The following ZNF253 variants were observed in gnomAD, a reference collection of about 807,000 sequenced individuals.
ZNF253 encodes zinc finger protein 253.
Under a neutral mutation model 11.9 loss-of-function variants are expected in ZNF253, and 8 were observed. The ratio of observed to expected loss-of-function variants is 0.67; its 90% CI spans 0.40 to 1.22. ZNF253 has a LOEUF of 1.22. ZNF253 is among the 50% of genes most tolerant of loss of function. ZNF253 has a pLI of 0.01. For synonymous variants in ZNF253, 194 were observed against 194.9 expected (o/e 1.00, Z 0.04); for missense variants, 485 against 586.9 (o/e 0.83, Z 1.79).
In ZNF253 at chr19:19,885,284, T is replaced by C. The variant is rs1409211450; in HGVS notation, c.226+5138T>C. On this transcript the variant is annotated intron_variant, in intron 3 of 3. Coordinates refer to ENST00000589717, the MANE Select transcript of ZNF253 (RefSeq NM_021047.3). The stretch of plus-strand genomic sequence containing the variant: ...CTTTCTTTCTTTCTTTCTTTCTTTC[T>C]TTCTTTCTCTTTCTTTTCTTTCTTT... Among the ~76,000 whole-genome samples the C allele has an allele frequency of 1.2e-3, 50 of 41,428 alleles. 7 individuals carry two copies. The African/African-American group carries it at 0.016, about 14-fold the overall frequency. The allele number at this position is 41,428 out of a possible 152,430, so 27.2% of individuals were successfully genotyped here. A position where few individuals can be genotyped will look rare whatever the true frequency, so the allele number is the denominator to read the frequency against.
intron 3 of ZNF253, among the ~76,000 whole-genome samples, chr19:19,890,458 C>A (rs1021322892): frequency 3.4e-5 from 5 of 148,608 alleles, no homozygotes; most frequent in Non-Finnish European, 3.0e-5. Flanking sequence ...CAATATTTTT[C>A]TTATTTTTAA....
At position 19,881,853 on chromosome 19, in the gene ZNF253, T is replaced by C. The variant is rs1353119611; in HGVS notation, c.226+1707T>C. On this transcript the variant is annotated intron_variant, in intron 3 of 3. Transcript: ENST00000589717. The stretch of plus-strand genomic sequence containing the variant: ...ATTTCAATGGATTTTTTTTTATTTC[T>C]TTGACTAATTCTTCTGCCACATACT... 3.3e-5 allele frequency among the ~76,000 whole-genome samples: 5 copies of C among 152,036 alleles called. 1 individual carries two copies. Among genetic ancestry groups the C allele is most frequent in the African/African-American group, 1.2e-4 (5 of 41,388 alleles).
chr19:19,869,902 C>G (rs1364166162), intron 1 of ZNF253, among the ~76,000 whole-genome samples: 1 of 151,796 alleles, frequency 6.6e-6, no homozygotes, highest in African/African-American at 2.4e-5. Flanking sequence ...AACTCCTGAC[C>G]TCAGGTGATG....
rs1210891642 is a variant in ZNF253, at chr19:19,891,486, A to G, written c.239A>G (p.His80Arg). 6.3e-7 allele frequency: 1 copy of G among 1,586,446 alleles called. No individual in the cohort carries two copies. The highest frequency in any genetic ancestry group is 2.2e-5 in the East Asian group (1 of 44,580). The change falls in exon 4 of 4, where the codon CAT (histidine) becomes CGT (arginine). Residue 80 changes from histidine to arginine, a missense_variant. His to Arg is a conservative substitution (Grantham distance 29, BLOSUM62 0). Transcript: ENST00000589717. ...TTGTTTCTTTTAGTTATGAGTTCTCATTTTGCCCAAGACCTTTGGCCAGAG... is the reference window on the plus strand; with the variant it reads ...TTGTTTCTTTTAGTTATGAGTTCTCGTTTTGCCCAAGACCTTTGGCCAGAG... ...MIAKPPVMSSHFAQDLWPENI... is the reference protein window; with the variant it reads ...MIAKPPVMSSRFAQDLWPENI...
At chr19:19,871,399 C>CA (rs2063133473) in intron 1 of ZNF253, 1 of 152,176 alleles carries the variant, frequency 6.6e-6, no homozygotes, top group Non-Finnish European at 1.5e-5. Context: ...AGAGGAAGGA[C>CA]ACTAGCATTC....
chr19:19,888,033 G>T (rs8104555), intron 3 of ZNF253, among the ~76,000 whole-genome samples: 11,959 of 151,832 alleles, frequency 0.079, 1,112 homozygotes, highest in African/African-American at 0.23. Context: ...ATAGTTTTCC[G>T]AAAGAGAAAA....
chr19:19,886,888 C>G (rs931207890), intron 3 of ZNF253, among the ~76,000 whole-genome samples: 3 of 152,086 alleles, frequency 2.0e-5, no homozygotes, highest in Non-Finnish European at 4.4e-5. Flanking sequence ...ATATTTATTA[C>G]TGCAAATGGA....
rs186648881 is a variant in ZNF253 at position 19,880,878 on chromosome 19, T to G, written c.226+732T>G. On this transcript the variant is annotated intron_variant, in intron 3 of 3. Coordinates refer to ENST00000589717, the MANE Select transcript of ZNF253 (RefSeq NM_021047.3). Reference sequence around the variant, plus strand: ...GTATTAGTTTATCTTGCATTTTTTTTGTTTATTTTTCTGCACAGTCCATTC... The same window carrying G: ...GTATTAGTTTATCTTGCATTTTTTTGGTTTATTTTTCTGCACAGTCCATTC... Among the ~76,000 whole-genome samples, 55 of 152,234 alleles carry G rather than the reference T, an allele frequency of 3.6e-4. 1 individual carries two copies. Among genetic ancestry groups the G allele is most frequent in the South Asian group, 2.7e-3 (13 of 4,832 alleles).
intron 3 of ZNF253, among the ~76,000 whole-genome samples, chr19:19,891,207 CAG>C (rs1490327162): frequency 1.3e-5 from 2 of 152,160 alleles, no homozygotes; most frequent in Non-Finnish European, 2.9e-5. Flanking sequence ...GTATAACTAA[CAG>C]AGCTTTCTTT....
At position 19,865,911 on chromosome 19, in the gene ZNF253, T is replaced by G; in HGVS notation, c.-86T>G. On this transcript the variant is annotated 5_prime_UTR_variant, in exon 1 of 4. Transcript: ENST00000589717. Reference sequence around the variant, plus strand: ...ATCCTCAGTGTTCTGTGTCCTGTGCTTATAGAGGCCCGTCCTCTGTGGCCG... The same window carrying G: ...ATCCTCAGTGTTCTGTGTCCTGTGCGTATAGAGGCCCGTCCTCTGTGGCCG... 7.1e-6 allele frequency: 11 copies of G among 1,543,920 alleles called. No homozygotes were observed. The highest frequency in any genetic ancestry group is 9.0e-6 in the Non-Finnish European group (10 of 1,116,122).
At chr19:19,869,683 TTTTTA>T (rs1339373793) in intron 1 of ZNF253, among the ~76,000 whole-genome samples, 2 of 118,920 alleles carry the variant, frequency 1.7e-5, no homozygotes, top group Admixed American at 8.2e-5. Flanking sequence ...TTTTTTTTTT[TTTTTA>T]AAAAACAGTC....
intron 3 of ZNF253, among the ~76,000 whole-genome samples, chr19:19,890,971 G>A (rs973301662): frequency 2.0e-5 from 3 of 149,784 alleles, no homozygotes; most frequent in African/African-American, 7.4e-5. Flanking sequence ...CCTCCGAGTA[G>A]CTGGGATTAA....
chr19:19,892,716 A>G lies in ZNF253; in HGVS notation c.1469A>G (p.Asn490Ser). ...YIVKNVTDLLNVPPLLISIR is the reference protein window; with the variant it reads ...YIVKNVTDLLSVPPLLISIR ...GTGAAGAATGTGACAGATCTTTTAA[A>G]TGTTCCTCCACTTTTAATTAGCATA... The change falls in exon 4 of 4, where the codon AAT becomes AGT. Residue 490 changes from asparagine to serine, a missense_variant. By Grantham distance (46) the Asn-to-Ser change is conservative. This residue lies in a region of ZNF253 where 232 missense variants were observed against 321.4 expected (regional missense o/e 0.72). Coordinates refer to ENST00000589717, the MANE Select transcript of ZNF253 (RefSeq NM_021047.3). 1.3e-6 allele frequency: 2 copies of G among 1,597,402 alleles called. No individual in the cohort carries two copies. Among genetic ancestry groups the G allele is most frequent in the Non-Finnish European group, 1.7e-6 (2 of 1,173,648 alleles).
At chr19:19,875,557 G>A (rs1210759382) in intron 1 of ZNF253, among the ~76,000 whole-genome samples, 1 of 151,918 alleles carries the variant, frequency 6.6e-6, no homozygotes, top group Non-Finnish European at 1.5e-5. Context: ...CACCACGCCC[G>A]GCTAATTTTT....
Position 19,878,587 on chromosome 19 carries a change from A to G in ZNF253, c.110A>G (p.Tyr37Cys), listed in dbSNP as rs564010866. Residue 37 changes from tyrosine to cysteine, a missense_variant, in exon 2 of 4, where the codon TAC becomes TGC. Transcript: ENST00000589717. ...TATAGGGATGTGATGTTAGAGAACT[A>G]CAGAAACTTGGTCTTCCTTGGTGAG... ...NLYRDVMLENYRNLVFLGIVV... is the reference protein window; with the variant it reads ...NLYRDVMLENCRNLVFLGIVV... 3.1e-6 allele frequency: 5 copies of G among 1,613,518 alleles called. No homozygotes were observed. In the African/African-American group the frequency reaches 5.3e-5, roughly 17 times the overall value.
Position 19,891,804 on chromosome 19 carries a change from C to T in ZNF253, c.557C>T (p.Thr186Ile), listed in dbSNP as rs1332269135. 6.2e-7 allele frequency: 1 copy of T among 1,614,110 alleles called. No individual in the cohort carries two copies. The highest frequency in any genetic ancestry group is 8.5e-7 in the Non-Finnish European group (1 of 1,180,006). Residue 186 changes from threonine (T) to isoleucine (I), a missense_variant, in exon 4 of 4, where the codon ACC (threonine) becomes ATC (isoleucine). By Grantham distance (89) the Thr-to-Ile change is moderately conservative. Coordinates refer to ENST00000589717, the MANE Select transcript of ZNF253 (RefSeq NM_021047.3). ...ICGKAFKRSS[T>I]LTTHKKIHTG... is the part of the protein sequence containing the mutation. ...GGCAAAGCTTTTAAACGGTCCTCAA[C>T]CCTTACTACACATAAGAAAATTCAT... is the stretch of plus-strand genomic sequence containing the variant.
At position 19,894,026 on chromosome 19, in the gene ZNF253, TCA is replaced by T. The variant is rs2122147498; in HGVS notation, c.*1280_*1281del. The T allele has an allele frequency of 6.6e-6, 1 of 152,294 alleles. No individual in the cohort carries two copies. The highest frequency in any genetic ancestry group is 2.4e-5 in the African/African-American group (1 of 41,572). 9.4% of individuals were successfully genotyped at this position (152,294 alleles called of 1,614,324 possible). On this transcript the variant is annotated 3_prime_UTR_variant, in exon 4 of 4. Transcript: ENST00000589717. Reference sequence around the variant, plus strand: ...TATATTTTTGCAGATGCAGTAAATATCAAAAAATATTTAATTCAAAATTGATT... The same window carrying T: ...TATATTTTTGCAGATGCAGTAAATATAAAAATATTTAATTCAAAATTGATT...
At chr19:19,878,376 C>G in intron 1 of ZNF253, 105 bp from the exon 2 acceptor site, 1 of 1,580,920 alleles carries the variant, frequency 6.3e-7, no homozygotes, top group Non-Finnish European at 8.6e-7. Context: ...TTAGGCAGTC[C>G]TTTGAGTCAG....
At position 19,892,827 on chromosome 19, in the gene ZNF253, G is replaced by C. The variant is rs2063239557; in HGVS notation, c.*80G>C. 17 of 1,316,150 alleles carry C rather than the reference G, an allele frequency of 1.3e-5. No homozygotes were observed. Among genetic ancestry groups the C allele is most frequent in the Non-Finnish European group, 1.8e-5 (17 of 954,602 alleles). The allele number at this position is 1,316,150 out of a possible 1,614,324, so 81.5% of individuals were successfully genotyped here. On this transcript the variant is annotated 3_prime_UTR_variant, in exon 4 of 4. Coordinates refer to ENST00000589717, the MANE Select transcript of ZNF253 (RefSeq NM_021047.3). Reference sequence around the variant, plus strand: ...AGCCCTCGACTCTTAGTAAATTTGAGAGTTTATATGGAACACAAACCCTAC... The same window carrying C: ...AGCCCTCGACTCTTAGTAAATTTGACAGTTTATATGGAACACAAACCCTAC...
Sources: allele counts gnomAD v4.1 joint callset (sites outside exome capture counted in the v4.1 genomes callset), GRCh38; gene constraint gnomAD v4.1.1; regional missense constraint gnomAD v4.1.1; transcripts MANE v1.5; gene names NCBI Gene and HGNC (gene_info 2026-07-23, HGNC 2026-07-21).